Variants in ERAL1 observed in about 807,000 individuals in gnomAD.
ERAL1 encodes Era like 12S mitochondrial rRNA chaperone 1, also known as GTPase Era, mitochondrial.
In ERAL1, 36 loss-of-function variants were observed where a neutral mutation model predicts 53.6. That is an observed-to-expected ratio of 0.67 (90% confidence interval 0.51 to 0.89). The LOEUF (loss-of-function observed/expected upper bound fraction) is 0.89, where lower values mean the gene tolerates loss of function less well. Among genes scored for constraint, ERAL1 ranks in the 40% least tolerant of loss-of-function variants. The probability of loss-of-function intolerance (pLI) is 0.00; values close to 1 mark genes in which losing one functional copy is unlikely to be tolerated. For missense variants in ERAL1, 512 were observed against 537.5 expected, an observed-to-expected ratio of 0.95 and a Z score of 0.47; for synonymous variants, 215 against 211.8, an observed-to-expected ratio of 1.02 and a Z score of -0.13.
Position 28,855,233 on chromosome 17 carries a change from G to A in ERAL1, c.199G>A (p.Gly67Ser), listed in dbSNP as rs1341725170. 15 of 1,614,102 alleles carry A rather than the reference G, an allele frequency of 9.3e-6. No individual in the cohort carries two copies. Among genetic ancestry groups the A allele is most frequent in the Non-Finnish European group, 1.3e-5 (15 of 1,180,038 alleles). The change falls in exon 1 of 10, where the codon GGC (glycine) becomes AGC (serine). Residue 67 changes from glycine to serine, a missense_variant. Physicochemically the swap from Gly to Ser is moderately conservative, Grantham distance 56. Coordinates refer to ENST00000254928, the MANE Select transcript of ERAL1 (RefSeq NM_005702.4). The part of the protein sequence containing the change: ...LASASRSNGQ[G>S]SALDHFLGFS... ...CTCGGCTTCTCGCAGTAATGGCCAGGGCTCTGCCCTGGACCACTTCCTCGG... is the reference window on the plus strand; with the variant it reads ...CTCGGCTTCTCGCAGTAATGGCCAGAGCTCTGCCCTGGACCACTTCCTCGG...
Position 28,860,533 on chromosome 17 carries a change from T to C in ERAL1, c.1294T>C (p.Ser432Pro). 1 of 1,602,730 alleles carries C rather than the reference T, an allele frequency of 6.2e-7. No individual in the cohort carries two copies. Among genetic ancestry groups the C allele is most frequent in the Non-Finnish European group, 8.5e-7 (1 of 1,175,434 alleles). ...IFLCDVDIRL[S>P]VKLLK ...CCTCTGCGATGTTGACATCCGCCTC[T>C]CTGTGAAGCTCCTCAAGTGACCACC... The change falls in exon 10 of 10, where the codon TCT (serine) becomes CCT (proline). Residue 432 changes from serine to proline, a missense_variant. Physicochemically the swap from Ser to Pro is moderately conservative, Grantham distance 74 (BLOSUM62 -1). Coordinates refer to ENST00000254928, the MANE Select transcript of ERAL1 (RefSeq NM_005702.4).
In ERAL1 at chr17:28,855,018, A is replaced by G; in HGVS notation, c.-17A>G. ...AGGAGCGCTCCTGGTCGGTTCCCGC[A>G]GTGCCTTGCGGCTGTAATGGCTGCC... On this transcript the variant is annotated 5_prime_UTR_variant, in exon 1 of 10. Transcript: ENST00000254928. 3 of 1,566,446 alleles carry G rather than the reference A, an allele frequency of 1.9e-6. No homozygotes were observed. The highest frequency in any genetic ancestry group is 1.4e-5 in the African/African-American group (1 of 73,432).
Position 28,858,635 on chromosome 17 carries a change from T to A in ERAL1, c.771T>A (p.Gly257=). The A allele has an allele frequency of 6.2e-7, 1 of 1,614,130 alleles. No individual in the cohort carries two copies. The highest frequency in any genetic ancestry group is 8.5e-7 in the Non-Finnish European group (1 of 1,180,018). ...LLELTAALTE[G]VVNGKKLKMR... is the part of the protein sequence containing the mutation. ...AGCTCACGGCAGCCCTCACTGAAGG[T>A]GTGGTCAATGGCAAAAAGCTCAAGA... The change falls in exon 7 of 10, where the codon GGT becomes GGA. Residue 257 remains glycine, a synonymous_variant. Coordinates refer to ENST00000254928, the MANE Select transcript of ERAL1 (RefSeq NM_005702.4).
Position 28,856,526 on chromosome 17 carries a change from G to A in ERAL1, c.433G>A (p.Val145Met), listed in dbSNP as rs753869862. Residue 145 changes from valine (V) to methionine (M), a missense_variant, in exon 3 of 10, where the codon GTG (valine) becomes ATG (methionine). Coordinates refer to ENST00000254928, the MANE Select transcript of ERAL1 (RefSeq NM_005702.4). ...GRKVFPVSRK[V>M]HTTRCQALGV... ...GCAGGTGTTCCCTGTTTCCAGGAAGGTGCATACTACTCGCTGCCAAGCTCT... is the reference window on the plus strand; with the variant it reads ...GCAGGTGTTCCCTGTTTCCAGGAAGATGCATACTACTCGCTGCCAAGCTCT... 6 of 1,613,870 alleles carry A rather than the reference G, an allele frequency of 3.7e-6. No homozygotes were observed. The highest frequency in any genetic ancestry group is 5.1e-6 in the Non-Finnish European group (6 of 1,179,892).
At chr17:28,857,664 C>T (rs1450454826) in intron 3 of ERAL1, among the ~76,000 whole-genome samples, 2 of 151,828 alleles carry the variant, frequency 1.3e-5, no homozygotes, top group Non-Finnish European at 2.9e-5. Context: ...TGGTGGTGCA[C>T]GCCTGTAATC....
intron 3 of ERAL1, 104 bp downstream of exon 3, chr17:28,856,686 G>T: frequency 1.0e-6 from 1 of 968,962 alleles, no homozygotes; most frequent in Non-Finnish European, 1.6e-6. Context: ...ATTCATTTAT[G>T]TGAGGAAAGG....
chr17:28,855,424 C>G, intron 1 of ERAL1, 107 bp downstream of exon 1: 1 of 1,292,454 alleles, frequency 7.7e-7, no homozygotes, highest in Non-Finnish European at 1.0e-6. Flanking sequence ...TTTTGAGGCC[C>G]TGACAGGGAG....
Position 28,858,683 on chromosome 17 carries a change from C to T in ERAL1, c.819C>T (p.His273=), listed in dbSNP as rs1289136684. The T allele has an allele frequency of 1.2e-6, 2 of 1,614,214 alleles. No individual in the cohort carries two copies. The highest frequency in any genetic ancestry group is 8.5e-7 in the Non-Finnish European group (1 of 1,180,040). Residue 273 remains histidine, a synonymous_variant, in exon 7 of 10, where the codon CAC becomes CAT. Coordinates refer to ENST00000254928, the MANE Select transcript of ERAL1 (RefSeq NM_005702.4). ...AGATGAGGCAGGCCTTCCACTCACA[C>T]CCTGGCACCCATTGCCCCAGCCCAG... The part of the protein sequence containing the change: ...KLKMRQAFHS[H]PGTHCPSPAV...
In ERAL1 at chr17:28,858,571, T is replaced by C; in HGVS notation, c.712-5T>C. On this transcript the variant is annotated splice_polypyrimidine_tract_variant and splice_region_variant and intron_variant, in intron 6 of 9. Coordinates refer to ENST00000254928, the MANE Select transcript of ERAL1 (RefSeq NM_005702.4). ...ACACACCCTTTGCCCATCCCCCATGTCCAGGTAGATTGTTTGAAGCAGAAG... is the reference window on the plus strand; with the variant it reads ...ACACACCCTTTGCCCATCCCCCATGCCCAGGTAGATTGTTTGAAGCAGAAG... 1 of 1,614,164 alleles carries C rather than the reference T, an allele frequency of 6.2e-7. No homozygotes were observed. Among genetic ancestry groups the C allele is most frequent in the Non-Finnish European group, 8.5e-7 (1 of 1,180,036 alleles).
chr17:28,859,546 T>A (rs2039281789), intron 9 of ERAL1, among the ~76,000 whole-genome samples: 1 of 147,546 alleles, frequency 6.8e-6, no homozygotes, highest in Non-Finnish European at 1.5e-5. Context: ...ATAATTTTCT[T>A]TTTTTTTTTT....
At chr17:28,856,059 TACATATGAGAAAACTAAAGGGCTCAGGGA>T (rs1197507486) in intron 1 of ERAL1, among the ~76,000 whole-genome samples, 176 bp from the exon 2 acceptor site, 1 of 152,208 alleles carries the variant, frequency 6.6e-6, no homozygotes, top group Non-Finnish European at 1.5e-5. Context: ...AACTCACTTT[TACATATGAGAAAACTAAAGGGCTCAGGGA>T]GTTACTTTAT....
chr17:28,856,440 C>T (rs1397054447), intron 2 of ERAL1, 49 bp downstream of exon 2: 5 of 1,613,430 alleles, frequency 3.1e-6, no homozygotes, highest in South Asian at 1.1e-5. Context: ...TTACTTCTTG[C>T]CATGCCTTCA....
At chr17:28,860,281 T>C in intron 9 of ERAL1, 150 bp from the exon 10 acceptor site, 1 of 855,208 alleles carries the variant, frequency 1.2e-6, no homozygotes, top group Non-Finnish European at 1.7e-6. Context: ...CCGGCCACCC[T>C]CTCTTTTTTT....
chr17:28,855,135 C>T lies in ERAL1; in HGVS notation c.101C>T (p.Ser34Phe). ...HVARERVIPF[S>F]SLLGFQRRCV... ...GCGAGGGAGCGGGTGATCCCTTTTTCCTCACTCTTAGGCTTCCAACGGAGG... is the reference window on the plus strand; with the variant it reads ...GCGAGGGAGCGGGTGATCCCTTTTTTCTCACTCTTAGGCTTCCAACGGAGG... Residue 34 changes from serine to phenylalanine, a missense_variant, in exon 1 of 10, where the codon TCC becomes TTC. Ser to Phe is a radical substitution (Grantham distance 155). Transcript: ENST00000254928. The T allele has an allele frequency of 6.2e-7, 1 of 1,614,196 alleles. No individual in the cohort carries two copies. Among genetic ancestry groups the T allele is most frequent in the Non-Finnish European group, 8.5e-7 (1 of 1,180,032 alleles).
chr17:28,856,584 T>C lies in ERAL1; in HGVS notation c.489+2T>C. ...ATCACAGAGAAGGAGACCCAGGTGG[T>C]GGGTACCTACAAAGGGAGTCCTTGA... On this transcript the variant is annotated splice_donor_variant, in intron 3 of 9. Coordinates refer to ENST00000254928, the MANE Select transcript of ERAL1 (RefSeq NM_005702.4). LOFTEE classifies it high-confidence loss of function. 1 of 1,613,836 alleles carries C rather than the reference T, an allele frequency of 6.2e-7. No individual in the cohort carries two copies. The highest frequency in any genetic ancestry group is 1.3e-5 in the African/African-American group (1 of 74,964).
intron 7 of ERAL1, 21 bp downstream of exon 7, chr17:28,858,845 G>A: frequency 6.2e-7 from 1 of 1,613,808 alleles, no homozygotes; most frequent in Non-Finnish European, 8.5e-7. Flanking sequence ...CTTGGCCATA[G>A]CCTGGCCCTT....
At position 28,855,258 on chromosome 17, in the gene ERAL1, G is replaced by T. The variant is rs909890875; in HGVS notation, c.224G>T (p.Gly75Val). ...GQGSALDHFL[G>V]FSQPDSSVTP... ...GGCTCTGCCCTGGACCACTTCCTCG[G>T]ATTCTCTCAGCCCGACAGTTCGGTG... Residue 75 changes from glycine to valine, a missense_variant, in exon 1 of 10, where the codon GGA becomes GTA. Coordinates refer to ENST00000254928, the MANE Select transcript of ERAL1 (RefSeq NM_005702.4). The T allele has an allele frequency of 2.5e-6, 4 of 1,612,794 alleles. No individual in the cohort carries two copies. The Admixed American group carries it at 5.0e-5, about 20-fold the overall frequency.
intron 3 of ERAL1, 81 bp from the exon 4 acceptor site, chr17:28,857,858 A>T: frequency 5.5e-6 from 8 of 1,463,038 alleles, no homozygotes; most frequent in Non-Finnish European, 7.7e-6. Context: ...CAGGCTCCTG[A>T]CATCACAGGT....
chr17:28,859,419 C>G (rs770645745), intron 9 of ERAL1, 136 bp downstream of exon 9: 30 of 816,220 alleles, frequency 3.7e-5, no homozygotes, highest in Non-Finnish European at 5.3e-5. Flanking sequence ...GAGACAGTCT[C>G]GCTCTGTCAC....
Sources: gnomAD v4.1 joint callset for allele counts (sites outside exome capture counted in the v4.1 genomes callset) on GRCh38, gnomAD v4.1.1 for gene constraint, MANE v1.5 for transcripts, NCBI Gene and HGNC (gene_info 2026-07-23, HGNC 2026-07-21) for gene names.